The following HERC1 variants were observed in gnomAD, a reference collection of about 807,000 sequenced individuals.
HERC1 encodes HECT and RLD domain containing E3 ubiquitin protein ligase family member 1.
A neutral mutation model predicts 554.3 loss-of-function variants in HERC1; 160 were observed. The ratio of observed to expected loss-of-function variants is 0.29; its 90% CI spans 0.25 to 0.33. The LOEUF (loss-of-function observed/expected upper bound fraction) is 0.33. HERC1 is among the 10% of genes least tolerant of loss of function. The probability of loss-of-function intolerance (pLI) is 1.00; values close to 1 mark genes in which losing one functional copy is unlikely to be tolerated. For synonymous variants in HERC1, 2,175 were observed against 2,131.7 expected (o/e 1.02, Z -0.56); for missense variants, 4,919 against 5,918.5 (o/e 0.83, Z 5.54).
At chr15:63,773,352 G>A (rs886176714) in intron 2 of HERC1, among the ~76,000 whole-genome samples, 3 of 149,264 alleles carry the variant, frequency 2.0e-5, no homozygotes, top group Admixed American at 6.7e-5. Flanking sequence ...GCTGAGGCAG[G>A]AGAATCGCTT....
intron 1 of HERC1, among the ~76,000 whole-genome samples, chr15:63,827,969 G>A (rs764506268): frequency 4.6e-5 from 7 of 152,152 alleles, no homozygotes; most frequent in Middle Eastern, 3.2e-3. Context: ...ACTGGGAAGC[G>A]GACCTGGGAA....
intron 36 of HERC1, among the ~76,000 whole-genome samples, chr15:63,678,765 T>TA (rs1222299630): frequency 4.6e-5 from 7 of 152,268 alleles, no homozygotes; most frequent in African/African-American, 1.7e-4. Flanking sequence ...GGTGCAAAAG[T>TA]AAAATCATAA....
At position 63,690,609 on chromosome 15, in the gene HERC1, C is replaced by T; in HGVS notation, c.5869G>A (p.Ala1957Thr). ...LVGNLRTRLL[A>T]LHVLEAVLPA... is the part of the protein sequence containing the mutation. ...AGCACAGCTTCAAGGACATGAAGTGCAAGGAGCCTTGTTCTTAAGTTACCA... is the reference window on the plus strand; with the variant it reads ...AGCACAGCTTCAAGGACATGAAGTGTAAGGAGCCTTGTTCTTAAGTTACCA... Residue 1957 changes from alanine (A) to threonine (T), a missense_variant, in exon 32 of 78, where the codon GCA (alanine) becomes ACA (threonine). Physicochemically the swap from Ala to Thr is moderately conservative, Grantham distance 58. Around this residue, in one of 11 missense-constraint regions of HERC1, gnomAD observed 1,121 missense variants for 1,244.0 expected, o/e 0.90. Transcript: ENST00000443617. 1 of 1,613,090 alleles carries T rather than the reference C, an allele frequency of 6.2e-7. No homozygotes were observed. The highest frequency in any genetic ancestry group is 2.2e-5 in the East Asian group (1 of 44,856).
At position 63,682,843 on chromosome 15, in the gene HERC1, A is replaced by G. The variant is rs564385460; in HGVS notation, c.6226-2067T>C. 9.2e-5 allele frequency among the ~76,000 whole-genome samples: 14 copies of G among 152,196 alleles called. No homozygotes were observed. In the South Asian group the frequency reaches 2.7e-3, roughly 29 times the overall value. On this transcript the variant is annotated intron_variant, in intron 34 of 77. Coordinates refer to ENST00000443617, the MANE Select transcript of HERC1 (RefSeq NM_003922.4). ...ATCTGGATGTATGATTAAAAAAAAA[A>G]AAGATGCAAAGGCTGGGCACAATGG...
Position 63,680,109 on chromosome 15 carries a change from C to T in HERC1, c.6517G>A (p.Val2173Met). The change falls in exon 36 of 78, where the codon GTG becomes ATG. Residue 2173 changes from valine to methionine, a missense_variant. By Grantham distance (21) the Val-to-Met change is conservative. Around this residue, in one of 11 missense-constraint regions of HERC1, gnomAD observed 85 missense variants for 163.2 expected, o/e 0.52. Coordinates refer to ENST00000443617, the MANE Select transcript of HERC1 (RefSeq NM_003922.4). This position sits in a 1 kb window ranked among gnomAD's most constrained non-coding sequence, Gnocchi z 5.8. ...CCTGGATTGCTACTATAGAACATCA[C>T]ACATGGGTACAACTCTGCTGCATCC... Reference protein sequence around the residue: ...DVDAAELYPCVMFYSSNPGEK... With the variant: ...DVDAAELYPCMMFYSSNPGEK... 2 of 1,613,168 alleles carry T rather than the reference C, an allele frequency of 1.2e-6. No homozygotes were observed. Among genetic ancestry groups the T allele is most frequent in the Non-Finnish European group, 1.7e-6 (2 of 1,179,394 alleles).
rs1406095365 is a variant in HERC1, at chr15:63,791,249, T to G, written c.-26-15600A>C. On this transcript the variant is annotated intron_variant, in intron 1 of 77. Coordinates refer to ENST00000443617, the MANE Select transcript of HERC1 (RefSeq NM_003922.4). ...GTACAGATTATTGGAATATTTGCATTGTTGCTGGTTGAGCATCTCTGATCT... is the reference window on the plus strand; with the variant it reads ...GTACAGATTATTGGAATATTTGCATGGTTGCTGGTTGAGCATCTCTGATCT... Among the ~76,000 whole-genome samples the G allele has an allele frequency of 2.6e-5, 4 of 152,232 alleles. No homozygotes were observed. In the East Asian group the frequency reaches 7.7e-4, roughly 29 times the overall value.
intron 2 of HERC1, among the ~76,000 whole-genome samples, chr15:63,771,237 A>G (rs932308536): frequency 6.6e-6 from 1 of 152,092 alleles, no homozygotes; most frequent in Non-Finnish European, 1.5e-5. Flanking sequence ...GACCAAAAAC[A>G]TCAGATACTA....
At chr15:63,611,962 A>C (rs1225363244) in intron 77 of HERC1, among the ~76,000 whole-genome samples, 1 of 152,228 alleles carries the variant, frequency 6.6e-6, no homozygotes, top group Admixed American at 6.5e-5. Flanking sequence ...ACGTGACCAG[A>C]TCACCTGAGG....
chr15:63,812,458 G>A (rs1433856907), intron 1 of HERC1, among the ~76,000 whole-genome samples: 1 of 152,156 alleles, frequency 6.6e-6, no homozygotes, highest in East Asian at 1.9e-4. Flanking sequence ...CTATTGCCTT[G>A]AGAATTCACT....
At chr15:63,656,472 C>T in intron 48 of HERC1, 114 bp from the exon 49 acceptor site, 1 of 936,110 alleles carries the variant, frequency 1.1e-6, no homozygotes, top group Non-Finnish European at 1.6e-6. Context: ...ATGTAAGCTG[C>T]ACTATCATTA....
intron 10 of HERC1, 49 bp from the exon 11 acceptor site, chr15:63,747,907 T>A (rs1464748861): frequency 2.3e-5 from 35 of 1,501,388 alleles, no homozygotes; most frequent in Non-Finnish European, 3.0e-5. Context: ...AATGAAATTT[T>A]TATGCACGAT....
intron 12 of HERC1, among the ~76,000 whole-genome samples, chr15:63,744,640 C>CA (rs1340878578): frequency 6.6e-6 from 1 of 152,180 alleles, no homozygotes; most frequent in African/African-American, 2.4e-5. Context: ...CCCCAGGCCA[C>CA]AAGGAGTATT....
chr15:63,666,493 A>G (rs766313543), intron 40 of HERC1, 21 bp from the exon 41 acceptor site: 1 of 1,464,284 alleles, frequency 6.8e-7, no homozygotes, highest in Non-Finnish European at 9.5e-7. Flanking sequence ...AGGAAGAGAA[A>G]TAAGAACCTA....
intron 64 of HERC1, among the ~76,000 whole-genome samples, chr15:63,636,523 G>A (rs934235817): frequency 1.8e-4 from 28 of 152,062 alleles, no homozygotes; most frequent in African/African-American, 6.5e-4. Flanking sequence ...CGCCCACCTC[G>A]GCCTCCCAAA....
Position 63,714,784 on chromosome 15 carries a change from T to A in HERC1, c.4151-1119A>T, listed in dbSNP as rs2073471923. ...GTCTGGTCTCGAACTCCTGACCTCG[T>A]GATCCGCCTGCCTCGGCCTCCCAAA... On this transcript the variant is annotated intron_variant, in intron 22 of 77. Coordinates refer to ENST00000443617, the MANE Select transcript of HERC1 (RefSeq NM_003922.4). Among the ~76,000 whole-genome samples, 3 of 151,926 alleles carry A rather than the reference T, an allele frequency of 2.0e-5. No individual in the cohort carries two copies. The South Asian group carries it at 6.2e-4, about 32-fold the overall frequency.
chr15:63,760,817 A>G (rs2075586944), intron 3 of HERC1, among the ~76,000 whole-genome samples: 2 of 152,284 alleles, frequency 1.3e-5, no homozygotes, highest in South Asian at 4.1e-4. Context: ...TTGAAACTAC[A>G]TATTGAATTA....
Position 63,652,489 on chromosome 15 carries a change from T to C in HERC1, c.10343A>G (p.Asn3448Ser), listed in dbSNP as rs1381671624. Reference protein sequence around the residue: ...NKKGLLATSGNDGTIRVWNVT... With the variant: ...NKKGLLATSGSDGTIRVWNVT... ...ATTCCATACGCGGATGGTGCCATCA[T>C]TGCCACTTGTAGCCAAAAGACCTTT... is the stretch of plus-strand genomic sequence containing the variant. Residue 3448 changes from asparagine (N) to serine (S), a missense_variant, in exon 52 of 78, where the codon AAT becomes AGT. This residue lies in a region of HERC1 where 1,963 missense variants were observed against 2,228.6 expected (regional missense o/e 0.88). Transcript: ENST00000443617. The C allele has an allele frequency of 1.9e-6, 3 of 1,609,736 alleles. No individual in the cohort carries two copies. Among genetic ancestry groups the C allele is most frequent in the Non-Finnish European group, 2.5e-6 (3 of 1,177,498 alleles).
At chr15:63,626,351 G>GA (rs1227275829) in intron 70 of HERC1, among the ~76,000 whole-genome samples, 197 bp from the exon 71 acceptor site, 1 of 151,866 alleles carries the variant, frequency 6.6e-6, no homozygotes, top group Admixed American at 6.6e-5. Context: ...AGGGGGCGGA[G>GA]AAAAAAATAA....
chr15:63,638,032 G>C (rs1324595973), intron 63 of HERC1, among the ~76,000 whole-genome samples: 2 of 152,106 alleles, frequency 1.3e-5, no homozygotes, highest in African/African-American at 4.8e-5. Context: ...GAAGGGTTTG[G>C]CGCTATATCG....
Sources: gnomAD v4.1 joint callset for allele counts (sites outside exome capture counted in the v4.1 genomes callset) on GRCh38, gnomAD v4.1.1 for gene constraint, gnomAD v4.1.1 regional missense constraint, Gnocchi (gnomAD v3.1) non-coding constraint, MANE v1.5 for transcripts, NCBI Gene and HGNC (gene_info 2026-07-23, HGNC 2026-07-21) for gene names.